Variants in ADGRE3 observed in about 807,000 individuals in gnomAD.
ADGRE3 encodes the protein EGF-like module receptor 3.
ADGRE3 carries 88 observed loss-of-function variants against 80.1 expected under a neutral mutation model. That is an observed-to-expected ratio of 1.10 (90% CI 0.93 to 1.31). The LOEUF (loss-of-function observed/expected upper bound fraction) is 1.31, where lower values mean the gene tolerates loss of function less well. Among genes scored for constraint, ADGRE3 ranks in the 40% most tolerant of loss-of-function variants. The pLI is 0.00. For synonymous variants in ADGRE3, 281 were observed against 294.8 expected (o/e 0.95, Z 0.48); for missense variants, 715 against 776.5 (o/e 0.92, Z 0.94).
chr19:14,617,343 T>TCCCTCCC (rs527628863), downstream of ADGRE3, among the ~76,000 whole-genome samples: 4 of 71,562 alleles, frequency 5.6e-5, no homozygotes, highest in African/African-American at 2.3e-4. Flanking sequence ...CCTCCCTCCC[T>TCCCTCCC]TTCTTTCTTT....
chr19:14,658,509 T>C lies in ADGRE3; in HGVS notation c.393+4A>G. 6.4e-7 allele frequency: 1 copy of C among 1,561,390 alleles called. No individual in the cohort carries two copies. The highest frequency in any genetic ancestry group is 1.2e-5 in the South Asian group (1 of 84,264). On this transcript the variant is annotated splice_donor_region_variant and intron_variant, in intron 5 of 15. Coordinates refer to ENST00000253673, the MANE Select transcript of ADGRE3 (RefSeq NM_032571.5). Reference sequence around the variant, plus strand: ...GAAGGGTCTGGGGATCAGCCTCCACTCACCTCTTTCCTGCCCTCGGTTGTC... The same window carrying C: ...GAAGGGTCTGGGGATCAGCCTCCACCCACCTCTTTCCTGCCCTCGGTTGTC...
At chr19:14,645,662 GA>G (rs375323518) in intron 8 of ADGRE3, among the ~76,000 whole-genome samples, 5,219 of 133,640 alleles carry the variant, frequency 0.039, 309 homozygotes, top group African/African-American at 0.13. Flanking sequence ...CTCAAAAAAA[GA>G]AAAAAAAAAA....
intron 1 of ADGRE3, among the ~76,000 whole-genome samples, chr19:14,670,288 G>T (rs544118424): frequency 6.6e-6 from 1 of 152,154 alleles, no homozygotes; most frequent in Non-Finnish European, 1.5e-5. Context: ...CCTGAAGCAA[G>T]CTGCTTTAAT....
downstream of ADGRE3, among the ~76,000 whole-genome samples, chr19:14,618,654 C>T (rs567118452): frequency 2.4e-4 from 36 of 149,252 alleles, no homozygotes; most frequent in East Asian, 6.0e-4. Flanking sequence ...GCTGGGAGTT[C>T]GAGACCAGCC....
chr19:14,654,308 G>T (rs1971691412), intron 6 of ADGRE3, among the ~76,000 whole-genome samples: 1 of 148,520 alleles, frequency 6.7e-6, no homozygotes, highest in African/African-American at 2.5e-5. Context: ...TGTCATCCAG[G>T]TTGGAGTGGC....
chr19:14,651,819 AT>A (rs1971616059), intron 6 of ADGRE3, among the ~76,000 whole-genome samples: 1 of 152,116 alleles, frequency 6.6e-6, no homozygotes, highest in South Asian at 2.1e-4. Flanking sequence ...TGGCAGGTGG[AT>A]TGCTTGAGGC....
rs1011405298 is a variant in ADGRE3 at position 14,642,122 on chromosome 19, G to A, written c.1051-506C>T. Among the ~76,000 whole-genome samples, 16 of 152,150 alleles carry A rather than the reference G, an allele frequency of 1.1e-4. 1 individual carries two copies. The highest frequency in any genetic ancestry group is 2.4e-4 in the Non-Finnish European group (16 of 68,032). Reference sequence around the variant, plus strand: ...GTTCTGGAGATGGATGGTGGTTGATGATTGCACGATATGATTGTACTTTAC... The same window carrying A: ...GTTCTGGAGATGGATGGTGGTTGATAATTGCACGATATGATTGTACTTTAC... On this transcript the variant is annotated intron_variant, in intron 9 of 15. Coordinates refer to ENST00000253673, the MANE Select transcript of ADGRE3 (RefSeq NM_032571.5).
chr19:14,604,869 A>G, the ADGRE3 span, among the ~76,000 whole-genome samples: 1 of 152,230 alleles, frequency 6.6e-6, no homozygotes, highest in African/African-American at 2.4e-5. Context: ...CCTATAGTAG[A>G]ACACATGAAA....
chr19:14,619,549 C>A, intron 15 of ADGRE3, 78 bp from the exon 16 acceptor site: 1 of 1,145,686 alleles, frequency 8.7e-7, no homozygotes, highest in East Asian at 2.4e-5. Context: ...CATGGAAAAA[C>A]AGCAGGAGTG....
intron 8 of ADGRE3, among the ~76,000 whole-genome samples, chr19:14,645,855 C>T (rs1326876892): frequency 2.0e-5 from 3 of 151,916 alleles, no homozygotes; most frequent in Non-Finnish European, 1.5e-5. Context: ...ACCTGTAGTT[C>T]CAGCTGCTGG....
chr19:14,606,175 A>T, the ADGRE3 span, among the ~76,000 whole-genome samples: 1 of 152,106 alleles, frequency 6.6e-6, no homozygotes, highest in African/African-American at 2.4e-5. Flanking sequence ...AAACCAAAAA[A>T]AATCAGTTAC....
chr19:14,653,140 G>T (rs1971653786), intron 6 of ADGRE3, among the ~76,000 whole-genome samples: 1 of 151,124 alleles, frequency 6.6e-6, no homozygotes, highest in South Asian at 2.1e-4. Flanking sequence ...GCACCACCAC[G>T]CCTGGCTAAT....
Position 14,620,532 on chromosome 19 carries a change from ATATTT to A in ADGRE3, c.1921-1066_1921-1062del, listed in dbSNP as rs1247354072. On this transcript the variant is annotated intron_variant, in intron 15 of 15. Coordinates refer to ENST00000253673, the MANE Select transcript of ADGRE3 (RefSeq NM_032571.5). ...ATATTATGACTATATATGAATATAT[ATATTT>A]TATATATATATTATATATATATATA... is the stretch of plus-strand genomic sequence containing the variant. 2.1e-4 allele frequency among the ~76,000 whole-genome samples: 3 copies of A among 14,260 alleles called. 1 individual carries two copies. The highest frequency in any genetic ancestry group is 1.4e-3 in the African/African-American group (3 of 2,118). The allele number at this position is 14,260 out of a possible 152,430, so 9.4% of individuals were successfully genotyped here.
chr19:14,653,899 TC>T (rs1489553623), intron 6 of ADGRE3, among the ~76,000 whole-genome samples: 2 of 151,752 alleles, frequency 1.3e-5, no homozygotes, highest in Non-Finnish European at 2.9e-5. Flanking sequence ...ATTCCAGTTT[TC>T]CAAGAAGAAT....
the ADGRE3 span, chr19:14,610,015 C>T: frequency 7.1e-7 from 1 of 1,401,516 alleles, no homozygotes; most frequent in Admixed American, 1.7e-5. Context: ...AGAAGAGTTT[C>T]ACCACCCTAA....
intron 15 of ADGRE3, among the ~76,000 whole-genome samples, chr19:14,623,664 G>A (rs550323754): frequency 6.6e-6 from 1 of 152,144 alleles, no homozygotes. Context: ...GTTCCATGGC[G>A]TACCGTCACT....
intron 2 of ADGRE3, 33 bp from the exon 3 acceptor site, chr19:14,663,573 T>C: frequency 1.3e-6 from 2 of 1,599,804 alleles, no homozygotes; most frequent in Non-Finnish European, 1.7e-6. Context: ...TTAAATGGAC[T>C]GGGGTCACAA....
At chr19:14,638,074 G>T (rs766770374) in intron 11 of ADGRE3, 31 bp downstream of exon 11, 4 of 1,532,022 alleles carry the variant, frequency 2.6e-6, no homozygotes, top group Middle Eastern at 3.5e-4. Context: ...TTAGGAAACT[G>T]TCCATGACAC....
chr19:14,617,341 C>T (rs188427522), downstream of ADGRE3, among the ~76,000 whole-genome samples: 1,183 of 57,228 alleles, frequency 0.021, 39 homozygotes, highest in African/African-American at 0.064. Flanking sequence ...TCCCTCCCTC[C>T]CTTTCTTTCT....
Sources: allele counts gnomAD v4.1 joint callset (sites outside exome capture counted in the v4.1 genomes callset), GRCh38; gene constraint gnomAD v4.1.1; transcripts MANE v1.5; gene names NCBI Gene and HGNC (gene_info 2026-07-23, HGNC 2026-07-21).